MTAP: variants seen among roughly 807,000 people sequenced by gnomAD.
The protein encoded by MTAP is S-methyl-5'-thioadenosine phosphorylase.
Under a neutral mutation model 33.6 loss-of-function variants are expected in MTAP, and 33 were observed. That is an observed-to-expected ratio of 0.98 (90% CI 0.74 to 1.31). The LOEUF is 1.31. MTAP is among the 40% of genes most tolerant of loss of function. MTAP has a pLI of 0.00. For synonymous variants in MTAP, 148 were observed against 125.7 expected, an observed-to-expected ratio of 1.18 and a Z score of -1.19; for missense variants, 367 against 360.0, an observed-to-expected ratio of 1.02 and a Z score of -0.16.
intron 1 of MTAP, chr9:21,802,985 A>AACACAGACACACACACAC: frequency 2.6e-6 from 1 of 378,354 alleles, no homozygotes; most frequent in Middle Eastern, 7.8e-4. Flanking sequence ...CCGCACCGCC[A>AACACAGACACACACACAC]ACACACACAC....
chr9:21,818,297 C>T (rs1824535543), intron 4 of MTAP, 95 bp downstream of exon 4: 1 of 613,870 alleles, frequency 1.6e-6, no homozygotes, highest in Non-Finnish European at 2.7e-6. Context: ...ACTGGGAGGG[C>T]AGTGCCACAG....
intron 1 of MTAP, among the ~76,000 whole-genome samples, chr9:21,872,242 A>G (rs1825948086): frequency 6.6e-6 from 1 of 152,186 alleles, no homozygotes; most frequent in Non-Finnish European, 1.5e-5. Context: ...GCTTGAACCC[A>G]GAAGGCGGGA....
At chr9:21,854,410 T>C (rs1825586897) in intron 5 of MTAP, among the ~76,000 whole-genome samples, 1 of 152,196 alleles carries the variant, frequency 6.6e-6, no homozygotes. Context: ...AGTTTCTACA[T>C]GCAAAGGGCT....
At chr9:21,896,090 A>G (rs1304802615) in intron 1 of MTAP, among the ~76,000 whole-genome samples, 1 of 152,194 alleles carries the variant, frequency 6.6e-6, no homozygotes, top group Non-Finnish European at 1.5e-5. Context: ...TCAAACTAGA[A>G]CTCAGGATTA....
chr9:21,856,875 A>G (rs900676777), intron 6 of MTAP, among the ~76,000 whole-genome samples: 3 of 152,176 alleles, frequency 2.0e-5, no homozygotes, highest in African/African-American at 7.2e-5. Flanking sequence ...TGGGCGAGTT[A>G]TTTCACTTGT....
rs1020757334 is a variant in MTAP at position 21,803,036 on chromosome 9, A to ACACACACACC, written c.33+256_33+257insACACACACCC. ...CACACACACACACACACACACACAC[A>ACACACACACC]CCACCTTTTGGCTTATCTGCACCCG... is the stretch of plus-strand genomic sequence containing the variant. On this transcript the variant is annotated intron_variant, in intron 1 of 7. Transcript: ENST00000644715. 1.4e-4 allele frequency: 148 copies of ACACACACACC among 1,039,770 alleles called. 3 individuals carry two copies. Among genetic ancestry groups the ACACACACACC allele is most frequent in the African/African-American group, 7.9e-4 (43 of 54,718 alleles). 64.4% of individuals were successfully genotyped at this position (1,039,770 alleles called of 1,614,324 possible). A position where few individuals can be genotyped will look rare whatever the true frequency, so the allele number is the denominator to read the frequency against.
intron 1 of MTAP, among the ~76,000 whole-genome samples, chr9:21,873,220 T>C (rs992109360): frequency 2.0e-5 from 3 of 152,054 alleles, no homozygotes; most frequent in Non-Finnish European, 4.4e-5. Flanking sequence ...AGTTATTTAC[T>C]TTGTTTTTTA....
chr9:21,846,780 T>C (rs1825395561), intron 5 of MTAP, among the ~76,000 whole-genome samples: 1 of 152,180 alleles, frequency 6.6e-6, no homozygotes, highest in South Asian at 2.1e-4. Flanking sequence ...CACTTGCACA[T>C]GCATGTTTAT....
rs767599258 is a variant in MTAP at position 21,876,251 on chromosome 9, A to G, written c.147+21381A>G. On this transcript the variant is annotated intron_variant, in intron 1 of 1. Coordinates refer to the MTAP transcript ENST00000577563. The stretch of plus-strand genomic sequence containing the variant: ...TCTTGTAAATTTGTTTAAGTTCCTT[A>G]TAGATGCTGTATATTAGATGTTTGT... Among the ~76,000 whole-genome samples the G allele has an allele frequency of 1.1e-3, 169 of 151,980 alleles. 3 individuals are homozygous for G. The highest frequency in any genetic ancestry group is 2.3e-3 in the Non-Finnish European group (153 of 67,926).
At chr9:21,918,687 C>G (rs1311141550) in intron 1 of MTAP, among the ~76,000 whole-genome samples, 1 of 152,142 alleles carries the variant, frequency 6.6e-6, no homozygotes, top group Non-Finnish European at 1.5e-5. Context: ...GTGGGTCTTT[C>G]TCGTGCTGTT....
chr9:21,909,833 T>C (rs534590036), intron 1 of MTAP, among the ~76,000 whole-genome samples: 4 of 152,314 alleles, frequency 2.6e-5, no homozygotes, highest in African/African-American at 7.2e-5. Flanking sequence ...TTCCCCACTT[T>C]ATAGATGAGA....
At chr9:21,928,262 G>T (rs892837174) in intron 1 of MTAP, among the ~76,000 whole-genome samples, 1 of 152,180 alleles carries the variant, frequency 6.6e-6, no homozygotes, top group Non-Finnish European at 1.5e-5. Context: ...GGGTAAATTT[G>T]TAAATGGGTG....
At chr9:21,826,615 A>ATTG (rs1329702755) in intron 4 of MTAP, among the ~76,000 whole-genome samples, 1 of 44,436 alleles carries the variant, frequency 2.3e-5, no homozygotes, top group African/African-American at 1.0e-4. Flanking sequence ...TTTGTTTATT[A>ATTG]TTATTATTAT....
chr9:21,831,173 A>T (rs1484124350), intron 4 of MTAP, among the ~76,000 whole-genome samples: 1 of 152,198 alleles, frequency 6.6e-6, no homozygotes, highest in East Asian at 1.9e-4. Context: ...TGTCCATGCC[A>T]TTAAAGATAC....
intron 1 of MTAP, among the ~76,000 whole-genome samples, chr9:21,900,765 C>G (rs989424777): frequency 6.6e-6 from 1 of 152,204 alleles, no homozygotes; most frequent in African/African-American, 2.4e-5. Flanking sequence ...TGGAATCAAC[C>G]TTGATGCCCA....
intron 1 of MTAP, among the ~76,000 whole-genome samples, chr9:21,907,162 A>C (rs367833232): frequency 1.3e-5 from 2 of 152,194 alleles, no homozygotes; most frequent in East Asian, 1.9e-4. Context: ...GACTATGTGA[A>C]CCCGGTGGTG....
chr9:21,864,094 C>A lies in MTAP; in HGVS notation c.*2080C>A, dbSNP rs1279153304. On this transcript the variant is annotated 3_prime_UTR_variant, in exon 8 of 8. Coordinates refer to ENST00000644715, the MANE Select transcript of MTAP (RefSeq NM_002451.4). ...TAATAGGTGTCTAAGAATGTCAGGGCAAAAGTATGGGCATTTTTCTTGCTA... is the reference window on the plus strand; with the variant it reads ...TAATAGGTGTCTAAGAATGTCAGGGAAAAAGTATGGGCATTTTTCTTGCTA... The A allele has an allele frequency of 2.0e-6, 2 of 985,270 alleles. No individual in the cohort carries two copies. The highest frequency in any genetic ancestry group is 3.5e-5 in the African/African-American group (2 of 57,228). The allele number at this position is 985,270 out of a possible 1,614,324, so 61.0% of individuals were successfully genotyped here. A position where few individuals can be genotyped will look rare whatever the true frequency, so the allele number is the denominator to read the frequency against.
chr9:21,937,205 G>A (rs1461720656), exon 8 of MTAP: 1 of 152,152 alleles, frequency 6.6e-6, no homozygotes, highest in Non-Finnish European at 1.5e-5. Context: ...TGGGCGTGGT[G>A]GTGCGCACCT....
chr9:21,865,263 T>G lies in MTAP; in HGVS notation c.*3249T>G. 2.3e-6 allele frequency: 1 copy of G among 437,760 alleles called. No homozygotes were observed. Among genetic ancestry groups the G allele is most frequent in the African/African-American group, 2.1e-5 (1 of 46,650 alleles). 27.1% of individuals were successfully genotyped at this position (437,760 alleles called of 1,614,324 possible). A position where few individuals can be genotyped will look rare whatever the true frequency, so the allele number is the denominator to read the frequency against. On this transcript the variant is annotated 3_prime_UTR_variant, in exon 8 of 8. Coordinates refer to ENST00000644715, the MANE Select transcript of MTAP (RefSeq NM_002451.4). ...TATAAGGGGCTTTTCCCCCTTTTGC[T>G]CAACACTTCTTCCTGCCATCATGTG...
Sources: allele counts gnomAD v4.1 joint callset (sites outside exome capture counted in the v4.1 genomes callset), GRCh38; gene constraint gnomAD v4.1.1; transcripts MANE v1.5; gene names NCBI Gene and HGNC (gene_info 2026-07-23, HGNC 2026-07-21).